Variants in ATP1A4 observed in about 807,000 individuals in gnomAD.
The protein encoded by ATP1A4 is sodium/potassium-transporting ATPase subunit alpha-4.
Under a neutral mutation model 114.3 loss-of-function variants are expected in ATP1A4, and 90 were observed. That is an observed-to-expected ratio of 0.79 (90% CI 0.66 to 0.94). The LOEUF (loss-of-function observed/expected upper bound fraction) is 0.94, where lower values mean the gene tolerates loss of function less well. Among genes scored for constraint, ATP1A4 ranks in the 40% least tolerant of loss-of-function variants. The pLI, the probability that ATP1A4 is intolerant of heterozygous loss-of-function variation, is 0.00. For missense variants in ATP1A4, 1,222 were observed against 1,313.6 expected (o/e 0.93, Z 1.08); for synonymous variants, 511 against 494.1 (o/e 1.03, Z -0.45).
intron 6 of ATP1A4, among the ~76,000 whole-genome samples, chr1:160,160,535 G>A (rs1652833086): frequency 6.6e-6 from 1 of 152,048 alleles, no homozygotes; most frequent in Non-Finnish European, 1.5e-5. Context: ...TTTTTTATTT[G>A]AATGCATAGT....
intron 6 of ATP1A4, among the ~76,000 whole-genome samples, chr1:160,163,386 C>T (rs1385880575): frequency 1.3e-5 from 2 of 152,198 alleles, no homozygotes; most frequent in African/African-American, 4.8e-5. Context: ...AGACCCCAGT[C>T]ACAAGTCCTA....
chr1:160,176,053 T>G lies in ATP1A4; in HGVS notation c.2312-39T>G, dbSNP rs778008164. 9 of 1,612,666 alleles carry G rather than the reference T, an allele frequency of 5.6e-6. No individual in the cohort carries two copies. In the East Asian group the frequency reaches 2.0e-4, roughly 36 times the overall value. Reference sequence around the variant, plus strand: ...GAGCTGGTTTGAGGGAGGCGTGTTCTCCCAGGGCTTCTCACAGGAGGTTGA... The same window carrying G: ...GAGCTGGTTTGAGGGAGGCGTGTTCGCCCAGGGCTTCTCACAGGAGGTTGA... On this transcript the variant is annotated intron_variant, in intron 15 of 21. Transcript: ENST00000368081.
chr1:160,186,428 C>T (rs936741235), intron 21 of ATP1A4, 61 bp downstream of exon 21: 16 of 1,326,930 alleles, frequency 1.2e-5, no homozygotes, highest in African/African-American at 1.4e-5. Context: ...CTAGCTCTCC[C>T]ATCCCACCTA....
rs772291263 is a variant in ATP1A4 at position 160,159,141 on chromosome 1, G to C, written c.660+5G>C. 3 of 1,613,108 alleles carry C rather than the reference G, an allele frequency of 1.9e-6. No homozygotes were observed. Among genetic ancestry groups the C allele is most frequent in the Admixed American group, 3.3e-5 (2 of 59,928 alleles). The stretch of plus-strand genomic sequence containing the variant: ...ATCTCTGCACAAGGATGTAAGGTGA[G>C]GGGATGCCGAAAGCTATGTGAGGGA... On this transcript the variant is annotated splice_donor_5th_base_variant and intron_variant, in intron 5 of 21. Transcript: ENST00000368081.
At chr1:160,168,377 C>CTTT (rs11397218) in intron 10 of ATP1A4, among the ~76,000 whole-genome samples, 17,699 of 96,542 alleles carry the variant, frequency 0.18, 2,187 homozygotes, top group East Asian at 0.4. Flanking sequence ...CTGCTGGTAT[C>CTTT]TTTTTTTTTT....
rs1653073070 is a variant in ATP1A4 at position 160,167,207 on chromosome 1, G to A, written c.1357-71G>A. On this transcript the variant is annotated intron_variant, in intron 9 of 21. Coordinates refer to ENST00000368081, the MANE Select transcript of ATP1A4 (RefSeq NM_144699.4). ...CCCTCCCCATTTGTCCCCTCTCCATGTTGCCACAGGTATGCCTCATGCCCA... is the reference window on the plus strand; with the variant it reads ...CCCTCCCCATTTGTCCCCTCTCCATATTGCCACAGGTATGCCTCATGCCCA... The A allele has an allele frequency of 3.4e-6, 5 of 1,469,738 alleles. 1 individual carries two copies. The highest frequency in any genetic ancestry group is 2.4e-5 in the South Asian group (2 of 82,748). The allele number at this position is 1,469,738 out of a possible 1,614,324, so 91.0% of individuals were successfully genotyped here.
intron 17 of ATP1A4, 59 bp downstream of exon 17, chr1:160,176,661 C>A: frequency 6.9e-6 from 11 of 1,592,800 alleles, no homozygotes; most frequent in Non-Finnish European, 7.7e-6. Context: ...TGCCTGGCAA[C>A]GTGAGCCATC....
intron 15 of ATP1A4, among the ~76,000 whole-genome samples, chr1:160,175,612 G>C (rs1653432214): frequency 6.6e-6 from 1 of 151,938 alleles, no homozygotes; most frequent in African/African-American, 2.4e-5. Context: ...AGAGAGTGCA[G>C]AGAGGGATTC....
chr1:160,180,677 T>A (rs1444177004), intron 18 of ATP1A4, among the ~76,000 whole-genome samples: 1 of 146,076 alleles, frequency 6.8e-6, no homozygotes, highest in East Asian at 2.0e-4. Flanking sequence ...CTATATCCCC[T>A]GACTCTGCCT....
chr1:160,162,309 G>A (rs1049861446), intron 6 of ATP1A4, among the ~76,000 whole-genome samples: 1 of 152,188 alleles, frequency 6.6e-6, no homozygotes, highest in African/African-American at 2.4e-5. Context: ...AAAGAATTTT[G>A]TCATGCCCCT....
chr1:160,159,899 C>A (rs562472774), intron 6 of ATP1A4, among the ~76,000 whole-genome samples: 3 of 152,352 alleles, frequency 2.0e-5, no homozygotes, highest in African/African-American at 7.2e-5. Context: ...CCTGCTAAGT[C>A]ATTCTTCTCT....
intron 6 of ATP1A4, among the ~76,000 whole-genome samples, chr1:160,160,183 A>G (rs1652818540): frequency 6.6e-6 from 1 of 152,166 alleles, no homozygotes; most frequent in Admixed American, 6.5e-5. Flanking sequence ...ATGCTTAAGA[A>G]CAAATGTTTG....
chr1:160,180,336 ACCTG>A (rs777278506), intron 18 of ATP1A4, among the ~76,000 whole-genome samples: 2 of 152,030 alleles, frequency 1.3e-5, no homozygotes, highest in Non-Finnish European at 2.9e-5. Context: ...GTGCGGTCCT[ACCTG>A]TTTTCAAATT....
rs750392229 is a variant in ATP1A4, at chr1:160,164,289, T to C, written c.912T>C (p.Thr304=). The C allele has an allele frequency of 5.6e-6, 9 of 1,614,194 alleles. No individual in the cohort carries two copies. In the East Asian group the frequency reaches 2.0e-4, roughly 36 times the overall value. ...TCGAACACTTCATCCATCTGATCAC[T>C]GTGGTGGCCGTCTTCCTTGGTGTCA... is the stretch of plus-strand genomic sequence containing the variant. ...AEIEHFIHLI[T]VVAVFLGVTF... is the part of the protein sequence containing the mutation. The change falls in exon 7 of 22, where the codon ACT becomes ACC. Residue 304 remains threonine (T), a synonymous_variant. Transcript: ENST00000368081.
Position 160,173,472 on chromosome 1 carries a change from A to G in ATP1A4, c.1855-109A>G, listed in dbSNP as rs1653338543. ...CACAAGTTCTTGGGAATGAGCGACT[A>G]AAACCCTTGTTGAAAAAAGCAGTGG... On this transcript the variant is annotated intron_variant, in intron 12 of 21. Coordinates refer to ENST00000368081, the MANE Select transcript of ATP1A4 (RefSeq NM_144699.4). 3.4e-6 allele frequency: 5 copies of G among 1,472,222 alleles called. No individual in the cohort carries two copies. In the African/African-American group the frequency reaches 5.6e-5, roughly 17 times the overall value. The allele number at this position is 1,472,222 out of a possible 1,614,324, so 91.2% of individuals were successfully genotyped here.
intron 17 of ATP1A4, 148 bp downstream of exon 17, chr1:160,176,750 T>C (rs1653479883): frequency 1.8e-6 from 2 of 1,100,032 alleles, no homozygotes; most frequent in Non-Finnish European, 2.6e-6. Context: ...CACTCATCTC[T>C]GATCTGTCCT....
rs1448909520 is a variant in ATP1A4 at position 160,152,025 on chromosome 1, C to G, written c.-16C>G. On this transcript the variant is annotated 5_prime_UTR_variant, in exon 1 of 22. Transcript: ENST00000368081. The stretch of plus-strand genomic sequence containing the variant: ...TTCCCACAGTTGAGCTCGGGCAGCT[C>G]TTTCTGGGGATAGCTATGGGGCTTT... 1 of 1,607,430 alleles carries G rather than the reference C, an allele frequency of 6.2e-7. No homozygotes were observed. The highest frequency in any genetic ancestry group is 8.5e-7 in the Non-Finnish European group (1 of 1,177,218).
rs1485535196 is a variant in ATP1A4, at chr1:160,165,327, C to A, written c.1047+903C>A. On this transcript the variant is annotated intron_variant, in intron 7 of 21. Transcript: ENST00000368081. ...CTTAGATAACCACAGCCTAAGAATT[C>A]ATTAGCTTTTAAAACAATCTTGCTT... 3.3e-5 allele frequency among the ~76,000 whole-genome samples: 5 copies of A among 152,310 alleles called. No homozygotes were observed. The East Asian group carries it at 9.6e-4, about 29-fold the overall frequency.
At position 160,181,688 on chromosome 1, in the gene ATP1A4, A is replaced by C; in HGVS notation, c.2741A>C (p.Tyr914Ser). 1.2e-6 allele frequency: 2 copies of C among 1,614,104 alleles called. No homozygotes were observed. Among genetic ancestry groups the C allele is most frequent in the Non-Finnish European group, 1.7e-6 (2 of 1,180,026 alleles). The change falls in exon 19 of 22, where the codon TAT (tyrosine) becomes TCT (serine). Residue 914 changes from tyrosine (Y) to serine (S), a missense_variant. Transcript: ENST00000368081. ...LEDSYGQQWT[Y>S]EQRKVVEFTC... is the part of the protein sequence containing the mutation. ...CTCTCTCCCTGCTGTCTCTAGACCTATGAGCAACGAAAAGTTGTGGAGTTC... is the reference window on the plus strand; with the variant it reads ...CTCTCTCCCTGCTGTCTCTAGACCTCTGAGCAACGAAAAGTTGTGGAGTTC...
Sources: gnomAD v4.1 joint callset for allele counts (sites outside exome capture counted in the v4.1 genomes callset) on GRCh38, gnomAD v4.1.1 for gene constraint, MANE v1.5 for transcripts, NCBI Gene and HGNC (gene_info 2026-07-23, HGNC 2026-07-21) for gene names.